Variants in MINDY4 observed in about 807,000 individuals in gnomAD.
MINDY4 encodes probable ubiquitin carboxyl-terminal hydrolase MINDY-4.
MINDY4 carries 68 observed loss-of-function variants against 87.0 expected under a neutral mutation model. That is an observed-to-expected ratio of 0.78 (90% CI 0.64 to 0.96). The LOEUF (loss-of-function observed/expected upper bound fraction) is 0.96, where lower values mean the gene tolerates loss of function less well. MINDY4 is among the 40% of genes least tolerant of loss of function. MINDY4 has a pLI of 0.00. For missense variants in MINDY4, 919 were observed against 928.2 expected (o/e 0.99, Z 0.13); for synonymous variants, 379 against 363.2 (o/e 1.04, Z -0.50).
At chr7:30,854,282 C>G (rs1276563276) in intron 12 of MINDY4, among the ~76,000 whole-genome samples, 1 of 152,196 alleles carries the variant, frequency 6.6e-6, no homozygotes, top group Non-Finnish European at 1.5e-5. Context: ...ACAGTGCCTG[C>G]CTCAGAGCAT....
intron 13 of MINDY4, among the ~76,000 whole-genome samples, chr7:30,859,585 G>A (rs536438480): frequency 6.6e-6 from 1 of 152,330 alleles, no homozygotes; most frequent in South Asian, 2.1e-4. Context: ...TGAGGAGCTT[G>A]CCTGGAACTG....
intron 13 of MINDY4, among the ~76,000 whole-genome samples, chr7:30,869,558 A>G (rs1442371379): frequency 6.6e-6 from 1 of 152,060 alleles, no homozygotes; most frequent in Non-Finnish European, 1.5e-5. Flanking sequence ...GCAGGTGGCC[A>G]CTTTCTCACT....
intron 11 of MINDY4, among the ~76,000 whole-genome samples, chr7:30,852,499 C>T (rs1330339459): frequency 1.3e-5 from 2 of 152,078 alleles, no homozygotes; most frequent in Non-Finnish European, 2.9e-5. Context: ...TGACTGGCTT[C>T]CTGTCCCATC....
intron 12 of MINDY4, among the ~76,000 whole-genome samples, chr7:30,854,563 G>A (rs892340901): frequency 1.5e-4 from 23 of 152,116 alleles, no homozygotes; most frequent in Non-Finnish European, 2.9e-4. Context: ...TGGTCCCTGA[G>A]CCTCACCTTG....
intron 13 of MINDY4, among the ~76,000 whole-genome samples, chr7:30,868,489 C>T (rs773078265): frequency 6.6e-6 from 1 of 152,334 alleles, no homozygotes; most frequent in Admixed American, 6.5e-5. Flanking sequence ...GCAGCCTGCT[C>T]AGTGGCAGAG....
intron 12 of MINDY4, chr7:30,858,660 T>C (rs1408844777): frequency 1.3e-5 from 2 of 154,022 alleles, no homozygotes; most frequent in Non-Finnish European, 2.9e-5. Flanking sequence ...AAAATATATA[T>C]ATATATATAT....
rs1562530144 is a variant in MINDY4, at chr7:30,785,865, G to A, written c.536G>A (p.Trp179Ter). 1.9e-6 allele frequency: 3 copies of A among 1,614,228 alleles called. No individual in the cohort carries two copies. The highest frequency in any genetic ancestry group is 2.5e-6 in the Non-Finnish European group (3 of 1,180,046). ...GAAACTCCTGTGTTGACTTCTGCATGGGAGAAGATAGACAAGCTTCACTCG... is the reference window on the plus strand; with the variant it reads ...GAAACTCCTGTGTTGACTTCTGCATAGGAGAAGATAGACAAGCTTCACTCG... The part of the protein sequence containing the change: ...PGETPVLTSA[W>*]EKIDKLHSEP... Residue 179 changes from tryptophan to a stop codon, truncating the protein, a stop_gained, in exon 4 of 18, where the codon TGG becomes TAG. Transcript: ENST00000265299. LOFTEE classifies it high-confidence loss of function.
At chr7:30,862,260 G>A (rs986002327) in intron 13 of MINDY4, among the ~76,000 whole-genome samples, 2 of 152,232 alleles carry the variant, frequency 1.3e-5, no homozygotes, top group East Asian at 3.9e-4. Context: ...AGACGGGAAT[G>A]CCAGCAAGGA....
At chr7:30,821,349 G>A (rs994741926) in intron 5 of MINDY4, among the ~76,000 whole-genome samples, 12 of 152,062 alleles carry the variant, frequency 7.9e-5, no homozygotes, top group Admixed American at 7.2e-4. Context: ...TCTTCATTTT[G>A]TTCTTACTTT....
intron 7 of MINDY4, among the ~76,000 whole-genome samples, chr7:30,838,038 G>C (rs1247294382): frequency 6.6e-6 from 1 of 152,212 alleles, no homozygotes; most frequent in Non-Finnish European, 1.5e-5. Context: ...CCAGAGAGGG[G>C]GTACAGGGAA....
chr7:30,879,439 T>C (rs1790390986), intron 15 of MINDY4, among the ~76,000 whole-genome samples: 1 of 152,212 alleles, frequency 6.6e-6, no homozygotes, highest in South Asian at 2.1e-4. Flanking sequence ...ATCCAGTCCG[T>C]GGTATTTGTT....
chr7:30,874,000 AT>A (rs1790187103), intron 14 of MINDY4, among the ~76,000 whole-genome samples: 2 of 152,154 alleles, frequency 1.3e-5, no homozygotes, highest in Admixed American at 1.3e-4. Flanking sequence ...GGGCAGGGGT[AT>A]TGGTGTTAAC....
At chr7:30,830,415 T>C (rs1788664029) in intron 6 of MINDY4, among the ~76,000 whole-genome samples, 1 of 152,196 alleles carries the variant, frequency 6.6e-6, no homozygotes, top group African/African-American at 2.4e-5. Context: ...AATAAAGACA[T>C]ACCAGAAACT....
intron 4 of MINDY4, 118 bp downstream of exon 4, chr7:30,786,110 G>A: frequency 7.3e-7 from 1 of 1,363,856 alleles, no homozygotes; most frequent in Non-Finnish European, 1.0e-6. Context: ...GAGGGTCTGT[G>A]TGTGGGGTGG....
chr7:30,800,540 C>G (rs1584252656), intron 5 of MINDY4, among the ~76,000 whole-genome samples: 1 of 152,132 alleles, frequency 6.6e-6, no homozygotes, highest in African/African-American at 2.4e-5. Flanking sequence ...CCAGGGTGCA[C>G]TGGGATGCCC....
intron 5 of MINDY4, among the ~76,000 whole-genome samples, chr7:30,810,132 C>A (rs568841147): frequency 2.8e-5 from 4 of 142,006 alleles, no homozygotes; most frequent in Non-Finnish European, 1.5e-5. Context: ...GCCGAGATTG[C>A]GCCACACACT....
intron 9 of MINDY4, among the ~76,000 whole-genome samples, chr7:30,841,768 T>G (rs1789048244): frequency 6.6e-6 from 1 of 152,228 alleles, no homozygotes; most frequent in African/African-American, 2.4e-5. Context: ...TTTCTAGTAC[T>G]CCAGAAGCAT....
chr7:30,809,147 A>G (rs753472788), intron 5 of MINDY4, among the ~76,000 whole-genome samples: 3 of 152,184 alleles, frequency 2.0e-5, no homozygotes, highest in Non-Finnish European at 2.9e-5. Flanking sequence ...CCATAACCCT[A>G]TAACACTCCA....
Position 30,817,170 on chromosome 7 carries a change from G to A in MINDY4, c.1074-11509G>A, listed in dbSNP as rs139116019. Among the ~76,000 whole-genome samples the A allele has an allele frequency of 3.9e-5, 6 of 152,198 alleles. No individual in the cohort carries two copies. The East Asian group carries it at 9.7e-4, about 25-fold the overall frequency. On this transcript the variant is annotated intron_variant, in intron 5 of 17. Transcript: ENST00000265299. ...ACTGAAGAACTCCCATCCTCTCCCT[G>A]GAGCTTGGTTTCCTTGTCTGTAACA...
Sources: gnomAD v4.1 joint callset for allele counts (sites outside exome capture counted in the v4.1 genomes callset) on GRCh38, gnomAD v4.1.1 for gene constraint, MANE v1.5 for transcripts, NCBI Gene and HGNC (gene_info 2026-07-23, HGNC 2026-07-21) for gene names.